AIG1: variants seen among roughly 807,000 people sequenced by gnomAD.
The protein encoded by AIG1 is androgen-induced gene 1 protein.
In AIG1, 23 loss-of-function variants were observed where a neutral mutation model predicts 31.4. The observed-to-expected ratio is 0.73, with a 90% CI of 0.53 to 1.04. The LOEUF is 1.04. Among genes scored for constraint, AIG1 ranks in the 50% least tolerant of loss-of-function variants. The pLI is 0.00. For missense variants in AIG1, 274 were observed against 295.0 expected (o/e 0.93, Z 0.52); for synonymous variants, 100 against 110.5 (o/e 0.90, Z 0.60).
At chr6:143,321,233 C>T (rs1776184032) in intron 4 of AIG1, among the ~76,000 whole-genome samples, 1 of 152,092 alleles carries the variant, frequency 6.6e-6, no homozygotes, top group Admixed American at 6.6e-5. Flanking sequence ...TGGACTTATA[C>T]TTACCTGAAA....
chr6:143,088,394 G>A (rs1482984612), intron 1 of AIG1, among the ~76,000 whole-genome samples: 2 of 152,110 alleles, frequency 1.3e-5, no homozygotes, highest in African/African-American at 2.4e-5. Flanking sequence ...TGCCAGAGAA[G>A]ATTACTTCTG....
At chr6:143,231,583 T>C (rs1008598195) in intron 3 of AIG1, among the ~76,000 whole-genome samples, 3 of 152,174 alleles carry the variant, frequency 2.0e-5, no homozygotes, top group Admixed American at 6.5e-5. Flanking sequence ...AAGCCACAAA[T>C]GCAATGCAAA....
At chr6:143,222,064 T>G (rs1004322238) in intron 3 of AIG1, among the ~76,000 whole-genome samples, 7 of 152,202 alleles carry the variant, frequency 4.6e-5, no homozygotes, top group African/African-American at 1.7e-4. Flanking sequence ...GATTCCTCAT[T>G]TATACATGAG....
intron 1 of AIG1, among the ~76,000 whole-genome samples, chr6:143,108,197 G>T (rs771111561): frequency 6.6e-6 from 1 of 152,118 alleles, no homozygotes; most frequent in African/African-American, 2.4e-5. Context: ...ACATTGTAAC[G>T]GGTGTGATTT....
rs147848952 is a variant in AIG1 at position 143,097,353 on chromosome 6, G to A, written c.141+36287G>A. Among the ~76,000 whole-genome samples the A allele has an allele frequency of 2.9e-3, 437 of 152,110 alleles. 4 individuals carry two copies. Among genetic ancestry groups the A allele is most frequent in the African/African-American group, 0.01 (415 of 41,470 alleles). ...ATTATTTTTCTTAGTGGCTTAGAGT[G>A]CATGGCCCAACCTTATAAGCACACC... On this transcript the variant is annotated intron_variant, in intron 1 of 5. Transcript: ENST00000357847.
intron 3 of AIG1, among the ~76,000 whole-genome samples, chr6:143,203,910 G>A (rs1018920066): frequency 2.0e-5 from 3 of 152,152 alleles, no homozygotes; most frequent in Non-Finnish European, 4.4e-5. Flanking sequence ...CCTTGTGTTT[G>A]CAGAGTGGGA....
At chr6:143,343,325 G>T, downstream of AIG1, 2 of 607,044 alleles carry the variant, frequency 3.3e-6, 1 homozygote, top group South Asian at 2.8e-5. Flanking sequence ...AGCCTCTAGT[G>T]AAAATCTGGC....
intron 3 of AIG1, among the ~76,000 whole-genome samples, chr6:143,261,254 C>T (rs1435241773): frequency 6.6e-6 from 1 of 152,206 alleles, no homozygotes; most frequent in African/African-American, 2.4e-5. Flanking sequence ...GTCTCAGCCT[C>T]CCAACTAGCT....
intron 3 of AIG1, chr6:143,188,389 G>A (rs1789472071): frequency 3.0e-6 from 3 of 985,424 alleles, no homozygotes; most frequent in Non-Finnish European, 3.6e-6. Context: ...TTCTCATGCT[G>A]GTGAAGTTGG....
intron 1 of AIG1, among the ~76,000 whole-genome samples, chr6:143,088,645 C>A (rs1028597976): frequency 1.3e-5 from 2 of 152,162 alleles, no homozygotes; most frequent in Non-Finnish European, 1.5e-5. Flanking sequence ...AGAACAAAGA[C>A]CTCATGTTTC....
chr6:143,170,704 T>C (rs1787424822), intron 3 of AIG1, among the ~76,000 whole-genome samples: 1 of 151,948 alleles, frequency 6.6e-6, no homozygotes, highest in East Asian at 1.9e-4. Flanking sequence ...GCTTTTCTAG[T>C]TCCTTGAGGT....
intron 3 of AIG1, among the ~76,000 whole-genome samples, chr6:143,261,447 G>A (rs1445734025): frequency 1.3e-5 from 2 of 152,150 alleles, no homozygotes; most frequent in Non-Finnish European, 2.9e-5. Context: ...TAGCTGTTAG[G>A]TGTTGGCATT....
intron 3 of AIG1, among the ~76,000 whole-genome samples, chr6:143,243,276 C>G (rs1390008596): frequency 6.6e-6 from 1 of 152,136 alleles, no homozygotes; most frequent in Admixed American, 6.5e-5. Flanking sequence ...AAGACATTCA[C>G]CACTTATCTA....
chr6:143,329,890 G>A lies in AIG1; in HGVS notation c.516-3392G>A, dbSNP rs1042667311. Among the ~76,000 whole-genome samples, 2 of 152,194 alleles carry A rather than the reference G, an allele frequency of 1.3e-5. No individual in the cohort carries two copies. The highest frequency in any genetic ancestry group is 4.8e-5 in the African/African-American group (2 of 41,448). On this transcript the variant is annotated intron_variant, in intron 4 of 5. Coordinates refer to ENST00000357847, the MANE Select transcript of AIG1 (RefSeq NM_016108.4). This position sits in a 1 kb window ranked among gnomAD's most constrained non-coding sequence, Gnocchi z 4.9. ...TTTTGCACTACAATGGCGGAGTTGA[G>A]TAGGTGTGATCGAGACCATATGGGA... is the stretch of plus-strand genomic sequence containing the variant.
intron 4 of AIG1, among the ~76,000 whole-genome samples, chr6:143,287,968 A>G (rs1349751560): frequency 1.3e-5 from 2 of 151,990 alleles, no homozygotes; most frequent in Non-Finnish European, 2.9e-5. Context: ...TCTTTTTTTT[A>G]ATTATAAAAG....
intron 2 of AIG1, among the ~76,000 whole-genome samples, chr6:143,146,292 A>C (rs750224310): frequency 3.3e-5 from 5 of 152,126 alleles, no homozygotes; most frequent in Non-Finnish European, 7.4e-5. Flanking sequence ...ATTTGAGATC[A>C]AAAAAAGGTA....
At chr6:143,267,752 T>C (rs1346182693) in intron 3 of AIG1, among the ~76,000 whole-genome samples, 1 of 152,168 alleles carries the variant, frequency 6.6e-6, no homozygotes, top group African/African-American at 2.4e-5. Context: ...AAGACAAAAG[T>C]TGATGAGCAG....
At chr6:143,342,753 A>G, downstream of AIG1, 2 of 835,038 alleles carry the variant, frequency 2.4e-6, no homozygotes, top group Non-Finnish European at 4.3e-6. Flanking sequence ...CAGCGGACTC[A>G]GGTATCATAG....
At chr6:143,148,616 A>G (rs1282270543) in intron 2 of AIG1, among the ~76,000 whole-genome samples, 1 of 152,140 alleles carries the variant, frequency 6.6e-6, no homozygotes, top group Non-Finnish European at 1.5e-5. Context: ...GCTTGAAGCC[A>G]GGAGTTCAAG....
Sources: allele counts gnomAD v4.1 joint callset (sites outside exome capture counted in the v4.1 genomes callset), GRCh38; gene constraint gnomAD v4.1.1; non-coding constraint Gnocchi (gnomAD v3.1); transcripts MANE v1.5; gene names NCBI Gene and HGNC (gene_info 2026-07-23, HGNC 2026-07-21).